Variants in COMMD6 observed in about 807,000 individuals in gnomAD.
COMMD6 encodes COMM domain containing 6.
COMMD6 carries 11 observed loss-of-function variants against 13.4 expected under a neutral mutation model. That is an observed-to-expected ratio of 0.82 (90% CI 0.52 to 1.36). The LOEUF (loss-of-function observed/expected upper bound fraction) is 1.36. Ranked by LOEUF, COMMD6 falls within the 40% of genes most tolerant of loss-of-function variation. COMMD6 has a pLI of 0.00. For missense variants in COMMD6, 124 were observed against 102.4 expected (o/e 1.21, Z -0.91); for synonymous variants, 43 against 36.5 (o/e 1.18, Z -0.64).
At chr13:75,538,146 G>T (rs1489907752), upstream of COMMD6, among the ~76,000 whole-genome samples, 1 of 152,206 alleles carries the variant, frequency 6.6e-6, no homozygotes, top group Non-Finnish European at 1.5e-5. Context: ...CCCGCTGCGC[G>T]GCTCCTCAAT....
upstream of COMMD6, among the ~76,000 whole-genome samples, chr13:75,540,325 TACACACACACACACACACCC>T (rs1566201660): frequency 3.9e-5 from 4 of 102,012 alleles, no homozygotes; most frequent in South Asian, 4.2e-4. Flanking sequence ...GGGTGGTAAA[TACACACACACACACACACCC>T]ACACACACAC....
chr13:75,530,056 T>G (rs1354795887), intron 3 of COMMD6, 58 bp downstream of exon 3: 5 of 1,379,986 alleles, frequency 3.6e-6, no homozygotes, highest in Non-Finnish European at 5.0e-6. Flanking sequence ...TTTATACATC[T>G]TTTTATGCAA....
rs1288502809 is a variant in COMMD6 at position 75,531,782 on chromosome 13, A to G, written c.55-1516T>C. On this transcript the variant is annotated intron_variant, in intron 2 of 3. Transcript: ENST00000682242. ...GTTGGTGAAAGTGTAAACTGGGCCA[A>G]TCTATCAAAGAGCTGACTTTAGCTA... Among the ~76,000 whole-genome samples, 12 of 152,364 alleles carry G rather than the reference A, an allele frequency of 7.9e-5. No individual in the cohort carries two copies. The East Asian group carries it at 2.3e-3, about 29-fold the overall frequency.
Position 75,526,246 on chromosome 13 carries a change from G to A in COMMD6, c.*343C>T, listed in dbSNP as rs1218534433. The A allele has an allele frequency of 5.6e-6, 1 of 179,900 alleles. No homozygotes were observed. The highest frequency in any genetic ancestry group is 2.4e-5 in the African/African-American group (1 of 42,542). 11.1% of individuals were successfully genotyped at this position (179,900 alleles called of 1,614,324 possible). On this transcript the variant is annotated 3_prime_UTR_variant, in exon 4 of 4. Transcript: ENST00000682242. ...CTCCAAATAAGACTGTTTATAAAAT[G>A]GGTTCCATCCAGTACAAGTTTTTAA...
chr13:75,543,434 T>C (rs533792942), upstream of COMMD6, among the ~76,000 whole-genome samples: 1 of 152,330 alleles, frequency 6.6e-6, no homozygotes, highest in African/African-American at 2.4e-5. Context: ...ACATTGTGAT[T>C]TTAGCCCAGT....
intron 2 of COMMD6, among the ~76,000 whole-genome samples, chr13:75,535,800 G>A (rs944642600): frequency 7.9e-5 from 12 of 152,088 alleles, no homozygotes; most frequent in Non-Finnish European, 2.9e-5. Context: ...CTCATGCGCT[G>A]GATCACAAAG....
upstream of COMMD6, chr13:75,537,853 A>G (rs1421585476): frequency 9.7e-6 from 15 of 1,540,126 alleles, no homozygotes; most frequent in Non-Finnish European, 1.2e-5. Context: ...ACGCCCCCAG[A>G]CCAGCGCTTC....
chr13:75,529,571 C>A (rs556882975), intron 3 of COMMD6: 1 of 128,584 alleles, frequency 7.8e-6, no homozygotes, highest in Admixed American at 9.2e-5. Context: ...ATTCCCACCT[C>A]CCCCCCACCT....
intron 1 of COMMD6, among the ~76,000 whole-genome samples, chr13:75,548,505 C>G (rs991952716): frequency 6.6e-6 from 1 of 152,168 alleles, no homozygotes; most frequent in African/African-American, 2.4e-5. Flanking sequence ...TTCCCCAGGT[C>G]AAATTTATGG....
At chr13:75,527,594 A>T (rs1452184227) in intron 3 of COMMD6, among the ~76,000 whole-genome samples, 1 of 152,154 alleles carries the variant, frequency 6.6e-6, no homozygotes, top group African/African-American at 2.4e-5. Context: ...ATTTATATTT[A>T]ATATGATTAT....
chr13:75,546,636 T>C (rs1254629069), intron 1 of COMMD6, among the ~76,000 whole-genome samples: 1 of 152,264 alleles, frequency 6.6e-6, no homozygotes, highest in Non-Finnish European at 1.5e-5. Flanking sequence ...TAAACCTTTA[T>C]ATCCTTTGAC....
intron 1 of COMMD6, among the ~76,000 whole-genome samples, chr13:75,545,096 C>T (rs1231630814): frequency 6.6e-6 from 1 of 152,072 alleles, no homozygotes; most frequent in Non-Finnish European, 1.5e-5. Context: ...GCCAAAAGGC[C>T]ACGTTTAGGA....
At chr13:75,527,726 A>G (rs752844598) in intron 3 of COMMD6, 5 of 1,252,146 alleles carry the variant, frequency 4.0e-6, no homozygotes, top group Non-Finnish European at 4.1e-6. Context: ...CCTGGAGGAC[A>G]TTGTGCAAAG....
chr13:75,531,330 A>G (rs141547726), intron 2 of COMMD6, among the ~76,000 whole-genome samples: 2 of 152,282 alleles, frequency 1.3e-5, no homozygotes, highest in East Asian at 1.9e-4. Flanking sequence ...GCCTCAATCA[A>G]CCATAAAAGT....
chr13:75,533,511 G>C (rs764446240), intron 2 of COMMD6, among the ~76,000 whole-genome samples: 20 of 150,324 alleles, frequency 1.3e-4, no homozygotes, highest in Admixed American at 1.2e-3. Context: ...CAAGGATGCA[G>C]TGAGCTGTGA....
chr13:75,535,276 A>G (rs2030625311), intron 2 of COMMD6, among the ~76,000 whole-genome samples: 1 of 152,220 alleles, frequency 6.6e-6, no homozygotes, highest in African/African-American at 2.4e-5. Context: ...CCATCTTCGA[A>G]GGGCCCTGTA....
At position 75,526,549 on chromosome 13, in the gene COMMD6, CT is replaced by C; in HGVS notation, c.*39del. The C allele has an allele frequency of 6.8e-7, 1 of 1,466,198 alleles. No individual in the cohort carries two copies. Among genetic ancestry groups the C allele is most frequent in the South Asian group, 1.2e-5 (1 of 81,874 alleles). 90.8% of individuals were successfully genotyped at this position (1,466,198 alleles called of 1,614,324 possible). On this transcript the variant is annotated 3_prime_UTR_variant, in exon 4 of 4. Transcript: ENST00000682242. ...TTGTTGCCGAAAGTGAAGTCCATGA[CT>C]TTAGAATGATAGCAATTTATCAACC...
chr13:75,537,610 G>A (rs1266485258), intron 2 of COMMD6, 54 bp downstream of exon 2: 1 of 1,612,714 alleles, frequency 6.2e-7, no homozygotes, highest in Non-Finnish European at 8.5e-7. Flanking sequence ...GCACGGCCTC[G>A]CGGCCGTGGG....
chr13:75,539,385 A>G (rs879197650), upstream of COMMD6, among the ~76,000 whole-genome samples: 8 of 152,058 alleles, frequency 5.3e-5, no homozygotes, highest in African/African-American at 1.9e-4. Context: ...GATTGCAGAC[A>G]TGCATCACCA....
Sources: allele counts gnomAD v4.1 joint callset (sites outside exome capture counted in the v4.1 genomes callset), GRCh38; gene constraint gnomAD v4.1.1; transcripts MANE v1.5; gene names NCBI Gene and HGNC (gene_info 2026-07-23, HGNC 2026-07-21).